Variants in GALK1 observed in about 807,000 individuals in gnomAD.
GALK1 encodes galactokinase 1, also known as galactokinase.
In GALK1, 30 loss-of-function variants were observed where a neutral mutation model predicts 38.6. The ratio of observed to expected loss-of-function variants is 0.78; its 90% CI spans 0.58 to 1.05. The LOEUF is 1.05. Ranked by LOEUF, GALK1 falls within the 50% of genes least tolerant of loss-of-function variation. The probability of loss-of-function intolerance (pLI) is 0.00; values close to 1 mark genes in which losing one functional copy is unlikely to be tolerated. For missense variants in GALK1, 512 were observed against 540.5 expected, an observed-to-expected ratio of 0.95 and a Z score of 0.52; for synonymous variants, 240 against 233.6, an observed-to-expected ratio of 1.03 and a Z score of -0.25.
chr17:75,754,502 G>A, downstream of GALK1: 5 of 1,596,988 alleles, frequency 3.1e-6, no homozygotes, highest in Non-Finnish European at 4.3e-6. Context: ...CCAGGAATGT[G>A]CAGGGCCCAG....
downstream of GALK1, among the ~76,000 whole-genome samples, chr17:75,753,213 A>G (rs1361399258): frequency 6.6e-6 from 1 of 152,238 alleles, no homozygotes; most frequent in African/African-American, 2.4e-5. Context: ...CGATGCCTCA[A>G]GCTGCCCCCG....
intron 5 of GALK1, among the ~76,000 whole-genome samples, chr17:75,761,237 T>C (rs990973408): frequency 1.3e-5 from 2 of 151,422 alleles, no homozygotes; most frequent in African/African-American, 4.9e-5. Flanking sequence ...AAAAGATAAA[T>C]AAAAAAAGTT....
chr17:75,755,763 C>A (rs1451496057), downstream of GALK1: 58 of 1,612,684 alleles, frequency 3.6e-5, no homozygotes, highest in Non-Finnish European at 4.7e-5. Flanking sequence ...TGCCCTGGGG[C>A]CCACATCTCT....
At chr17:75,754,085 C>T, downstream of GALK1, 1 of 479,882 alleles carries the variant, frequency 2.1e-6, no homozygotes, top group South Asian at 6.1e-5. Flanking sequence ...TCAGCCAGGC[C>T]CGGGCCTTGG....
At chr17:75,756,293 C>A, downstream of GALK1, 1 of 893,460 alleles carries the variant, frequency 1.1e-6, no homozygotes, top group East Asian at 2.6e-5. Flanking sequence ...CCATACTGTA[C>A]CCAACCTGTA....
intron 1 of GALK1, 92 bp downstream of exon 1, chr17:75,764,880 G>A (rs1309900235): frequency 4.7e-5 from 66 of 1,411,028 alleles, no homozygotes; most frequent in Non-Finnish European, 5.6e-5. Context: ...TCTCCCGCGG[G>A]AAGAACTCGC....
chr17:75,754,807 C>T (rs1568383935), downstream of GALK1: 1 of 1,614,102 alleles, frequency 6.2e-7, no homozygotes, highest in Non-Finnish European at 8.5e-7. Flanking sequence ...ACCTCCGTCT[C>T]CTCCCACGGT....
intron 1 of GALK1, chr17:75,764,752 G>A: frequency 1.6e-6 from 1 of 627,494 alleles, no homozygotes; most frequent in Non-Finnish European, 2.8e-6. Context: ...TGAGCCAAGA[G>A]GCGGCCGCGC....
intron 8 of GALK1, chr17:75,752,367 G>A (rs2143413331): frequency 6.2e-7 from 1 of 1,612,630 alleles, no homozygotes; most frequent in Non-Finnish European, 8.5e-7. Context: ...GTGAGTGGTG[G>A]GCAGGGAGGT....
chr17:75,753,498 G>T (rs1306664556), downstream of GALK1, among the ~76,000 whole-genome samples: 1 of 152,192 alleles, frequency 6.6e-6, no homozygotes, highest in Non-Finnish European at 1.5e-5. Flanking sequence ...CTTCCCCCAG[G>T]TTTCTGGCGG....
intron 5 of GALK1, among the ~76,000 whole-genome samples, chr17:75,761,718 T>A (rs1178206194): frequency 2.9e-4 from 38 of 132,448 alleles, no homozygotes; most frequent in Non-Finnish European, 1.5e-4. Flanking sequence ...ATGTTTAGTT[T>A]AAAAAAAAAA....
downstream of GALK1, chr17:75,755,552 G>A (rs1257916342): frequency 2.0e-6 from 2 of 1,006,050 alleles, no homozygotes; most frequent in Admixed American, 1.9e-5. Context: ...TGGGCAGCCT[G>A]GACAGGGTGT....
chr17:75,754,973 T>TGTACACAGACATGCATGCGCACAC, downstream of GALK1: 1 of 1,534,208 alleles, frequency 6.5e-7, no homozygotes, highest in Non-Finnish European at 8.9e-7. Context: ...CATGCACACA[T>TGTACACAGACATGCATGCGCACAC]GTACACAGAC....
At chr17:75,755,243 C>T, downstream of GALK1, 7 of 1,591,480 alleles carry the variant, frequency 4.4e-6, no homozygotes, top group Non-Finnish European at 6.0e-6. Flanking sequence ...CCTGTCTCCA[C>T]AGCTGTCCTG....
At chr17:75,757,876 C>T (rs1322682744), downstream of GALK1, 33 of 736,734 alleles carry the variant, frequency 4.5e-5, no homozygotes, top group South Asian at 6.7e-5. Context: ...GGTAGGGGAG[C>T]GGTTCTGACA....
chr17:75,757,501 G>A (rs1386079211), downstream of GALK1: 4 of 1,613,204 alleles, frequency 2.5e-6, no homozygotes, highest in South Asian at 1.1e-5. Flanking sequence ...GCCGGACACT[G>A]ACCACCAGCG....
intron 8 of GALK1, chr17:75,751,967 C>A (rs1274422846): frequency 4.4e-6 from 3 of 677,530 alleles, no homozygotes; most frequent in Non-Finnish European, 8.0e-6. Context: ...CAGCAGAGTC[C>A]CTTGGAGGAC....
downstream of GALK1, chr17:75,756,754 A>G (rs749086390): frequency 6.2e-7 from 1 of 1,612,934 alleles, no homozygotes; most frequent in South Asian, 1.1e-5. Flanking sequence ...GCTGGTGTTC[A>G]CTGCCCTGAG....
Position 75,757,946 on chromosome 17 carries a change from G to T in GALK1, c.*110C>A. The T allele has an allele frequency of 1.6e-6, 2 of 1,261,914 alleles. No individual in the cohort carries two copies. Among genetic ancestry groups the T allele is most frequent in the Non-Finnish European group, 2.3e-6 (2 of 884,568 alleles). The allele number at this position is 1,261,914 out of a possible 1,614,324, so 78.2% of individuals were successfully genotyped here. ...CTCTAGAGGAGGCAGGTACCACATT[G>T]GAGGCACAAGTTTATTGAGCACCCG... On this transcript the variant is annotated 3_prime_UTR_variant, in exon 8 of 8. Coordinates refer to ENST00000588479, the MANE Select transcript of GALK1 (RefSeq NM_000154.2).
Sources: gnomAD v4.1 joint callset for allele counts (sites outside exome capture counted in the v4.1 genomes callset) on GRCh38, gnomAD v4.1.1 for gene constraint, MANE v1.5 for transcripts, NCBI Gene and HGNC (gene_info 2026-07-23, HGNC 2026-07-21) for gene names.